The following DCC variants were observed in gnomAD, a reference collection of about 807,000 sequenced individuals.
DCC encodes netrin receptor DCC.
A neutral mutation model predicts 172.5 loss-of-function variants in DCC; 58 were observed. The observed-to-expected ratio is 0.34, with a 90% CI of 0.27 to 0.42. DCC has a LOEUF of 0.42. Among genes scored for constraint, DCC ranks in the 10% least tolerant of loss-of-function variants. DCC has a pLI of 1.00. For missense variants in DCC, 1,740 were observed against 1,791.0 expected (o/e 0.97, Z 0.51); for synonymous variants, 709 against 644.5 (o/e 1.10, Z -1.52).
At chr18:52,672,552 C>A (rs1386147761) in intron 1 of DCC, among the ~76,000 whole-genome samples, 2 of 151,656 alleles carry the variant, frequency 1.3e-5, no homozygotes, top group South Asian at 2.1e-4. Flanking sequence ...TTCCTTCTAA[C>A]CCTCTCTTCC....
intron 22 of DCC, among the ~76,000 whole-genome samples, chr18:53,448,480 C>T (rs1912771935): frequency 6.6e-6 from 1 of 152,150 alleles, no homozygotes; most frequent in Non-Finnish European, 1.5e-5. Flanking sequence ...TAAATTAGCT[C>T]CCACTGGGTC....
intron 18 of DCC, among the ~76,000 whole-genome samples, chr18:53,398,991 A>C (rs1218103944): frequency 6.6e-6 from 1 of 152,132 alleles, no homozygotes; most frequent in Non-Finnish European, 1.5e-5. Context: ...TAAGATAAAG[A>C]CCATATGGGG....
At chr18:53,483,636 CT>C (rs1311429028) in intron 25 of DCC, among the ~76,000 whole-genome samples, 1 of 151,642 alleles carries the variant, frequency 6.6e-6, no homozygotes, top group Non-Finnish European at 1.5e-5. Flanking sequence ...GTTTGTGGGT[CT>C]TTTTTTGATT....
intron 1 of DCC, among the ~76,000 whole-genome samples, chr18:52,482,025 C>T (rs889828502): frequency 1.3e-5 from 2 of 151,984 alleles, no homozygotes; most frequent in South Asian, 2.1e-4. Flanking sequence ...CAACTTTCAG[C>T]GTCAGGGATT....
intron 1 of DCC, among the ~76,000 whole-genome samples, chr18:52,718,549 T>C (rs930576163): frequency 2.6e-5 from 4 of 152,146 alleles, no homozygotes; most frequent in Non-Finnish European, 5.9e-5. Context: ...TGGTCTGCTC[T>C]TAGTTACATG....
At chr18:52,656,674 G>A (rs983032340) in intron 1 of DCC, among the ~76,000 whole-genome samples, 2 of 152,158 alleles carry the variant, frequency 1.3e-5, no homozygotes, top group Admixed American at 1.3e-4. Context: ...GGACATGCTT[G>A]GTGAAATCTT....
At chr18:52,437,078 C>A (rs1354645875) in intron 1 of DCC, among the ~76,000 whole-genome samples, 3 of 152,170 alleles carry the variant, frequency 2.0e-5, no homozygotes, top group Non-Finnish European at 4.4e-5. Flanking sequence ...TACTTTTCTT[C>A]TTTTAACTAT....
intron 1 of DCC, among the ~76,000 whole-genome samples, chr18:52,416,092 C>G (rs1224735241): frequency 6.6e-6 from 1 of 152,052 alleles, no homozygotes; most frequent in African/African-American, 2.4e-5. Flanking sequence ...TCGTTGGTTT[C>G]AAAGAACATC....
At chr18:53,300,957 G>GATTC (rs1278036788) in intron 12 of DCC, among the ~76,000 whole-genome samples, 2 of 13,838 alleles carry the variant, frequency 1.4e-4, no homozygotes, top group East Asian at 1.7e-3. Flanking sequence ...GTTGGTTCTG[G>GATTC]ATTCATTCTT....
intron 5 of DCC, among the ~76,000 whole-genome samples, chr18:52,950,673 C>A (rs2040625725): frequency 6.6e-6 from 1 of 152,004 alleles, no homozygotes; most frequent in Non-Finnish European, 1.5e-5. Context: ...GCCTGTAATT[C>A]CAGCACTTTG....
intron 12 of DCC, among the ~76,000 whole-genome samples, chr18:53,251,180 A>C (rs776040874): frequency 3.9e-5 from 6 of 151,912 alleles, no homozygotes; most frequent in Non-Finnish European, 5.9e-5. Context: ...TTTCTGACAG[A>C]TGTTGTTAAA....
chr18:52,779,446 T>C (rs2037492587), intron 2 of DCC, among the ~76,000 whole-genome samples: 1 of 134,992 alleles, frequency 7.4e-6, no homozygotes. Context: ...AGAATGATAG[T>C]TTCCAACTTC....
chr18:53,285,149 G>T (rs2056921399), intron 12 of DCC, among the ~76,000 whole-genome samples: 1 of 152,196 alleles, frequency 6.6e-6, no homozygotes, highest in Non-Finnish European at 1.5e-5. Flanking sequence ...ATTCAAGCCA[G>T]CTGCAGAAAT....
chr18:52,975,722 T>C (rs1598989399), intron 5 of DCC, among the ~76,000 whole-genome samples: 1 of 152,228 alleles, frequency 6.6e-6, no homozygotes. Flanking sequence ...TATTCCGTGG[T>C]ATATATGTAC....
At chr18:52,629,178 C>T (rs2034629388) in intron 1 of DCC, among the ~76,000 whole-genome samples, 1 of 152,100 alleles carries the variant, frequency 6.6e-6, no homozygotes, top group Admixed American at 6.5e-5. Flanking sequence ...AATAATCTAC[C>T]ATTTGCCCAT....
rs34406723 is a variant in DCC at position 53,159,008 on chromosome 18, A to AAAAAAAAAG, written c.1418+1496_1418+1497insAAAAAAAAG. Among the ~76,000 whole-genome samples, 1,155 of 118,996 alleles carry AAAAAAAAAG rather than the reference A, an allele frequency of 9.7e-3. 107 individuals are homozygous for AAAAAAAAAG. The highest frequency in any genetic ancestry group is 0.02 in the East Asian group (64 of 3,272). The allele number at this position is 118,996 out of a possible 152,430, so 78.1% of individuals were successfully genotyped here. On this transcript the variant is annotated intron_variant, in intron 8 of 28. Coordinates refer to ENST00000442544, the MANE Select transcript of DCC (RefSeq NM_005215.4). ...CATCTCAAAAAAAAAAAAAAAAAGA[A>AAAAAAAAAG]GAAGATGTAGGCATACCCATATTGC...
At chr18:53,137,465 A>G (rs1275604874) in intron 7 of DCC, among the ~76,000 whole-genome samples, 2 of 152,226 alleles carry the variant, frequency 1.3e-5, no homozygotes, top group Non-Finnish European at 2.9e-5. Context: ...CTTCTTTGGG[A>G]TCAGCAGAAG....
At chr18:53,316,430 A>G (rs1041820115) in intron 13 of DCC, among the ~76,000 whole-genome samples, 14 of 151,526 alleles carry the variant, frequency 9.2e-5, no homozygotes, top group African/African-American at 3.4e-4. Context: ...TATCTTGGCT[A>G]TGCAGGCTCT....
chr18:53,064,075 T>C (rs1391173954), intron 6 of DCC, among the ~76,000 whole-genome samples: 1 of 152,184 alleles, frequency 6.6e-6, no homozygotes, highest in East Asian at 1.9e-4. Flanking sequence ...CTGGAATGAA[T>C]TGAAGCTAAG....
Sources: gnomAD v4.1 joint callset for allele counts (sites outside exome capture counted in the v4.1 genomes callset) on GRCh38, gnomAD v4.1.1 for gene constraint, MANE v1.5 for transcripts, NCBI Gene and HGNC (gene_info 2026-07-23, HGNC 2026-07-21) for gene names.